TBC1D22B: variants seen among roughly 807,000 people sequenced by gnomAD.
The protein encoded by TBC1D22B is TBC1 domain family member 22B, also known as chromosome 6 open reading frame 197.
TBC1D22B carries 32 observed loss-of-function variants against 69.1 expected under a neutral mutation model. That is an observed-to-expected ratio of 0.46 (90% confidence interval 0.35 to 0.62). The LOEUF is 0.62. Ranked by LOEUF, TBC1D22B falls within the 20% of genes least tolerant of loss-of-function variation. The probability of loss-of-function intolerance (pLI) is 0.00; values close to 1 mark genes in which losing one functional copy is unlikely to be tolerated. For missense variants in TBC1D22B, 462 were observed against 630.9 expected (o/e 0.73, Z 2.87); for synonymous variants, 206 against 229.8 (o/e 0.90, Z 0.94).
chr6:37,319,627 T>C (rs966146186), intron 12 of TBC1D22B, among the ~76,000 whole-genome samples: 1 of 152,248 alleles, frequency 6.6e-6, no homozygotes, highest in Admixed American at 6.5e-5. Flanking sequence ...TCTGCTGCTG[T>C]ATTAACACCT....
At chr6:37,280,504 C>A (rs887910095) in intron 3 of TBC1D22B, among the ~76,000 whole-genome samples, 16 of 152,186 alleles carry the variant, frequency 1.1e-4, no homozygotes, top group African/African-American at 3.9e-4. Context: ...CTAGCATGAA[C>A]CTTCAGTGCC....
intron 1 of TBC1D22B, among the ~76,000 whole-genome samples, chr6:37,264,318 T>G (rs142233138): frequency 2.0e-4 from 30 of 152,266 alleles, no homozygotes; most frequent in Admixed American, 4.6e-4. Context: ...TGTTTGGTTT[T>G]GTTTTGTTTT....
rs1768594609 is a variant in TBC1D22B at position 37,332,018 on chromosome 6, G to T, written c.*846G>T. 1 of 152,640 alleles carries T rather than the reference G, an allele frequency of 6.6e-6. No homozygotes were observed. The highest frequency in any genetic ancestry group is 1.5e-5 in the Non-Finnish European group (1 of 68,030). The allele number at this position is 152,640 out of a possible 1,614,324, so 9.5% of individuals were successfully genotyped here. ...TTGTGTTATTATGTATATGGGTAAA[G>T]ATGTACAAATATATGTCCTCTTTGT... is the stretch of plus-strand genomic sequence containing the variant. On this transcript the variant is annotated 3_prime_UTR_variant, in exon 13 of 13. Transcript: ENST00000373491.
intron 12 of TBC1D22B, chr6:37,324,283 A>G (rs1365450821): frequency 2.2e-6 from 1 of 456,734 alleles, no homozygotes; most frequent in Admixed American, 2.3e-5. Flanking sequence ...GAGTAAAATT[A>G]GTCAACTCTT....
chr6:37,312,915 C>T lies in TBC1D22B; in HGVS notation c.983-3C>T, dbSNP rs1329374456. 5.0e-6 allele frequency: 8 copies of T among 1,611,714 alleles called. No individual in the cohort carries two copies. Among genetic ancestry groups the T allele is most frequent in the Non-Finnish European group, 6.8e-6 (8 of 1,177,900 alleles). On this transcript the variant is annotated splice_region_variant and splice_polypyrimidine_tract_variant and intron_variant, in intron 8 of 12. Transcript: ENST00000373491. The stretch of plus-strand genomic sequence containing the variant: ...TGGACTTTCTTCACCTTTTGTTTTA[C>T]AGAAGAGGATGTGGAGAACTTTGAC...
intron 6 of TBC1D22B, 147 bp downstream of exon 6, chr6:37,284,611 C>G (rs970906166): frequency 8.4e-6 from 8 of 950,800 alleles, no homozygotes; most frequent in Non-Finnish European, 1.2e-5. Flanking sequence ...ACTGTTTCCC[C>G]TCTTTTCATT....
intron 12 of TBC1D22B, among the ~76,000 whole-genome samples, chr6:37,330,627 CAG>C (rs1768556841): frequency 6.6e-6 from 1 of 151,990 alleles, no homozygotes; most frequent in South Asian, 2.1e-4. Flanking sequence ...GCTTGGGTGA[CAG>C]AGCGAGATCC....
intron 1 of TBC1D22B, among the ~76,000 whole-genome samples, chr6:37,268,217 C>A (rs1040274709): frequency 1.1e-4 from 16 of 151,940 alleles, no homozygotes; most frequent in African/African-American, 3.1e-4. Flanking sequence ...ATTCTTGAAT[C>A]ATTTATTCTC....
intron 8 of TBC1D22B, among the ~76,000 whole-genome samples, chr6:37,296,947 C>T (rs1363502721): frequency 1.3e-5 from 2 of 152,096 alleles, no homozygotes; most frequent in Non-Finnish European, 2.9e-5. Context: ...CCACTTCAGC[C>T]TCCCAAGTAG....
chr6:37,319,873 C>G (rs1768188986), intron 12 of TBC1D22B, among the ~76,000 whole-genome samples: 2 of 152,214 alleles, frequency 1.3e-5, no homozygotes, highest in African/African-American at 4.8e-5. Context: ...AGGTTGTGAA[C>G]TGTTGGGTGT....
intron 6 of TBC1D22B, among the ~76,000 whole-genome samples, chr6:37,286,715 G>A (rs555590730): frequency 1.3e-5 from 2 of 152,122 alleles, no homozygotes; most frequent in South Asian, 2.1e-4. Flanking sequence ...AGGCCAAGGC[G>A]GGTGGGTCAC....
intron 8 of TBC1D22B, among the ~76,000 whole-genome samples, chr6:37,297,437 G>A (rs933187383): frequency 6.6e-6 from 1 of 152,116 alleles, no homozygotes; most frequent in Non-Finnish European, 1.5e-5. Context: ...CTTTAGTAGG[G>A]CCCAATATCT....
At chr6:37,321,656 A>G (rs1768246864) in intron 12 of TBC1D22B, among the ~76,000 whole-genome samples, 1 of 152,150 alleles carries the variant, frequency 6.6e-6, no homozygotes, top group South Asian at 2.1e-4. Flanking sequence ...CCCTGGGGAA[A>G]GCAGAGGCTC....
intron 2 of TBC1D22B, among the ~76,000 whole-genome samples, chr6:37,276,507 T>C (rs1359715309): frequency 6.6e-6 from 1 of 152,204 alleles, no homozygotes; most frequent in Non-Finnish European, 1.5e-5. Context: ...ATGACAGCCT[T>C]TTCTCCCTTC....
At chr6:37,294,229 G>C (rs1372147262) in intron 8 of TBC1D22B, among the ~76,000 whole-genome samples, 1 of 152,164 alleles carries the variant, frequency 6.6e-6, no homozygotes, top group Non-Finnish European at 1.5e-5. Context: ...TTAAGAGACA[G>C]TGGCATGATC....
chr6:37,286,335 A>T (rs545833603), intron 6 of TBC1D22B, among the ~76,000 whole-genome samples: 109 of 128,558 alleles, frequency 8.5e-4, no homozygotes, highest in African/African-American at 3.0e-3. Flanking sequence ...TTTTTTTTTG[A>T]GACAGAGTCT....
intron 12 of TBC1D22B, among the ~76,000 whole-genome samples, chr6:37,325,900 G>C (rs1411260242): frequency 1.3e-5 from 2 of 152,208 alleles, no homozygotes; most frequent in Non-Finnish European, 2.9e-5. Context: ...GTCGGGGCTA[G>C]AGGTGGGGAT....
At chr6:37,327,181 A>G (rs575979410) in intron 12 of TBC1D22B, among the ~76,000 whole-genome samples, 1 of 151,004 alleles carries the variant, frequency 6.6e-6, no homozygotes, top group African/African-American at 2.4e-5. Context: ...ACATTTTAAA[A>G]AATAAGTTGA....
chr6:37,331,543 T>G lies in TBC1D22B; in HGVS notation c.*371T>G. On this transcript the variant is annotated 3_prime_UTR_variant, in exon 13 of 13. Coordinates refer to ENST00000373491, the MANE Select transcript of TBC1D22B (RefSeq NM_017772.4). ...CGTTGCTTTTTTTTTTTTGTGAACA[T>G]AGTTTGATTTGATCACAGGTCAAAA... 6.3e-6 allele frequency: 1 copy of G among 159,630 alleles called. No individual in the cohort carries two copies. Among genetic ancestry groups the G allele is most frequent in the African/African-American group, 2.4e-5 (1 of 41,620 alleles). The allele number at this position is 159,630 out of a possible 1,614,324, so 9.9% of individuals were successfully genotyped here.
Sources: allele counts gnomAD v4.1 joint callset (sites outside exome capture counted in the v4.1 genomes callset), GRCh38; gene constraint gnomAD v4.1.1; transcripts MANE v1.5; gene names NCBI Gene and HGNC (gene_info 2026-07-23, HGNC 2026-07-21).